RAPGEF2: variants seen among roughly 807,000 people sequenced by gnomAD.
The protein encoded by RAPGEF2 is Rap guanine nucleotide exchange factor 2.
RAPGEF2 carries 54 observed loss-of-function variants against 186.7 expected under a neutral mutation model. The observed-to-expected ratio is 0.29, with a 90% CI of 0.23 to 0.36. RAPGEF2 has a LOEUF of 0.36. RAPGEF2 is among the 10% of genes least tolerant of loss of function. The pLI is 1.00. For missense variants in RAPGEF2, 1,532 were observed against 2,045.0 expected (o/e 0.75, Z 4.84); for synonymous variants, 712 against 705.9 (o/e 1.01, Z -0.14).
Position 159,322,402 on chromosome 4 carries a change from A to G in RAPGEF2, c.909A>G (p.Ser303=), listed in dbSNP as rs1765344789. ...QLPAFANMTM[S]VRRELCAVMV... ...CTGCTTTTGCCAATATGACAATGTC[A>G]GTGAGGCGAGAACTCTGTGCTGTGA... is the stretch of plus-strand genomic sequence containing the variant. Residue 303 remains serine (S), a synonymous_variant, in exon 10 of 30, where the codon TCA becomes TCG. Transcript: ENST00000691494. 4 of 1,613,910 alleles carry G rather than the reference A, an allele frequency of 2.5e-6. No individual in the cohort carries two copies. The highest frequency in any genetic ancestry group is 1.7e-5 in the Admixed American group (1 of 60,000).
chr4:159,129,893 C>T (rs1185307380), intron 1 of RAPGEF2, among the ~76,000 whole-genome samples: 2 of 152,196 alleles, frequency 1.3e-5, no homozygotes, highest in African/African-American at 2.4e-5. Flanking sequence ...AGAACGGCTA[C>T]TCCATAGAGC....
chr4:159,281,001 T>TTC (rs1759622261), intron 7 of RAPGEF2, among the ~76,000 whole-genome samples: 1 of 151,836 alleles, frequency 6.6e-6, no homozygotes, highest in Non-Finnish European at 1.5e-5. Context: ...TTTTTTTTTT[T>TTC]CCTGAGACGG....
chr4:159,251,261 C>G (rs142579842), intron 7 of RAPGEF2, among the ~76,000 whole-genome samples: 1 of 152,258 alleles, frequency 6.6e-6, no homozygotes, highest in South Asian at 2.1e-4. Context: ...CGACGGGCGC[C>G]GTCCCTTGCT....
At chr4:159,334,587 G>T (rs1178989123) in intron 17 of RAPGEF2, among the ~76,000 whole-genome samples, 1 of 152,104 alleles carries the variant, frequency 6.6e-6, no homozygotes, top group Non-Finnish European at 1.5e-5. Flanking sequence ...AACAAAAAAA[G>T]ATCTTAGAGT....
chr4:159,267,204 T>G, intron 7 of RAPGEF2: 1 of 1,288,702 alleles, frequency 7.8e-7, no homozygotes, highest in Non-Finnish European at 1.0e-6. Flanking sequence ...CAATGCCGTT[T>G]GTTTCCTAAG....
intron 1 of RAPGEF2, among the ~76,000 whole-genome samples, chr4:159,158,682 G>A (rs1450698390): frequency 6.6e-6 from 1 of 152,174 alleles, no homozygotes; most frequent in Non-Finnish European, 1.5e-5. Flanking sequence ...CTATTCAGGA[G>A]AGCATCCAGA....
At position 159,331,795 on chromosome 4, in the gene RAPGEF2, A is replaced by T. The variant is rs1766712262; in HGVS notation, c.1741A>T (p.Ser581Cys). ...GIFVDSVDSG[S>C]KATEAGLKRG... ...CTTTGTTGACAGTGTAGATTCAGGTAGCAAAGCAACTGAAGCAGGCTTGAA... is the reference window on the plus strand; with the variant it reads ...CTTTGTTGACAGTGTAGATTCAGGTTGCAAAGCAACTGAAGCAGGCTTGAA... Residue 581 changes from serine to cysteine, a missense_variant, in exon 15 of 30, where the codon AGC (serine) becomes TGC (cysteine). Coordinates refer to ENST00000691494, the MANE Select transcript of RAPGEF2 (RefSeq NM_001394067.2). The T allele has an allele frequency of 1.2e-6, 2 of 1,613,298 alleles. No homozygotes were observed. Among genetic ancestry groups the T allele is most frequent in the East Asian group, 2.2e-5 (1 of 44,834 alleles).
rs1282995087 is a variant in RAPGEF2, at chr4:159,110,370, T to C, written c.69+6139T>C. Among the ~76,000 whole-genome samples the C allele has an allele frequency of 4.6e-5, 7 of 152,126 alleles. 1 individual carries two copies. The highest frequency in any genetic ancestry group is 4.6e-4 in the Admixed American group (7 of 15,262). On this transcript the variant is annotated intron_variant, in intron 1 of 29. Transcript: ENST00000691494. ...TAGGAGGCTGAGGCGGGTGGATCACTTGAGGTCAGGAGTTCAACACCAGCC... is the reference window on the plus strand; with the variant it reads ...TAGGAGGCTGAGGCGGGTGGATCACCTGAGGTCAGGAGTTCAACACCAGCC...
chr4:159,322,508 A>G, intron 10 of RAPGEF2, 25 bp downstream of exon 10: 8 of 1,604,012 alleles, frequency 5.0e-6, no homozygotes, highest in Non-Finnish European at 6.8e-6. Context: ...CTACCACTTA[A>G]AAAGTTTCTT....
Position 159,360,051 on chromosome 4 carries a change from C to T in RAPGEF2, c.*1912C>T, listed in dbSNP as rs1370325524. The T allele has an allele frequency of 6.6e-6, 1 of 152,118 alleles. No homozygotes were observed. Among genetic ancestry groups the T allele is most frequent in the Non-Finnish European group, 1.5e-5 (1 of 68,018 alleles). 9.4% of individuals were successfully genotyped at this position (152,118 alleles called of 1,614,324 possible). A position where few individuals can be genotyped will look rare whatever the true frequency, so the allele number is the denominator to read the frequency against. On this transcript the variant is annotated 3_prime_UTR_variant, in exon 30 of 30. Coordinates refer to ENST00000691494, the MANE Select transcript of RAPGEF2 (RefSeq NM_001394067.2). ...TTGTATTTTTAATACAATAATTGTA[C>T]ATATTGGTTATATTTTTGTTGAAGA...
intron 7 of RAPGEF2, among the ~76,000 whole-genome samples, chr4:159,287,454 A>T (rs1760647936): frequency 6.6e-6 from 1 of 151,984 alleles, no homozygotes; most frequent in Admixed American, 6.6e-5. Context: ...TTTGAAGATC[A>T]AACTGTCTTT....
chr4:159,296,454 C>A (rs985942852), intron 7 of RAPGEF2, among the ~76,000 whole-genome samples: 1 of 152,156 alleles, frequency 6.6e-6, no homozygotes, highest in African/African-American at 2.4e-5. Flanking sequence ...TGAGAATTTT[C>A]AGGTCAATTA....
At chr4:159,181,838 C>G (rs1175823583) in intron 1 of RAPGEF2, among the ~76,000 whole-genome samples, 2 of 151,986 alleles carry the variant, frequency 1.3e-5, no homozygotes, top group South Asian at 4.2e-4. Context: ...CATGCCTGGC[C>G]GGGAATACAG....
chr4:159,347,978 C>A (rs9631759), intron 25 of RAPGEF2, among the ~76,000 whole-genome samples: 37 of 152,114 alleles, frequency 2.4e-4, no homozygotes, highest in Middle Eastern at 6.8e-3. Context: ...CCCAGCACTT[C>A]AGGAGGCTGA....
intron 29 of RAPGEF2, among the ~76,000 whole-genome samples, chr4:159,357,884 C>T (rs1311457601): frequency 6.6e-6 from 1 of 151,800 alleles, no homozygotes; most frequent in East Asian, 1.9e-4. Context: ...ATATATAATG[C>T]ATATCTTTTT....
intron 5 of RAPGEF2, among the ~76,000 whole-genome samples, chr4:159,239,263 T>C (rs1394500325): frequency 3.3e-5 from 5 of 152,160 alleles, no homozygotes; most frequent in Admixed American, 6.6e-5. Flanking sequence ...TCACTAGGTT[T>C]GCTGGTGTGA....
Position 159,353,531 on chromosome 4 carries a change from C to T in RAPGEF2, c.4136C>T (p.Ala1379Val). Residue 1379 changes from alanine to valine, a missense_variant, in exon 28 of 30, where the codon GCT becomes GTT. Ala to Val is a moderately conservative substitution (Grantham distance 64). Coordinates refer to ENST00000691494, the MANE Select transcript of RAPGEF2 (RefSeq NM_001394067.2). This position sits in a 1 kb window ranked among gnomAD's most constrained non-coding sequence, Gnocchi z 4.3. ...MSEGRGLYATATVISSPSTEE... is the reference protein window; with the variant it reads ...MSEGRGLYATVTVISSPSTEE... ...GAGGGCCGAGGCTTATATGCTACAG[C>T]TACAGTAATTTCTTCTCCAAGCACA... 6.5e-7 allele frequency: 1 copy of T among 1,534,822 alleles called. No homozygotes were observed. Among genetic ancestry groups the T allele is most frequent in the Non-Finnish European group, 8.7e-7 (1 of 1,144,256 alleles).
rs778562452 is a variant in RAPGEF2, at chr4:159,332,541, G to A, written c.1979G>A (p.Arg660His). ...PKIGDIKKAS[R>H]YSIPDLAVDV... ...ATTGGTGACATTAAAAAGGCCAGTC[G>A]CTACTCCATTCCAGATCTTGCTGTA... The change falls in exon 17 of 30, where the codon CGC becomes CAC. Residue 660 changes from arginine to histidine, a missense_variant. Arg to His is a conservative substitution (Grantham distance 29). This residue lies in a region of RAPGEF2 where 810 missense variants were observed against 1,210.5 expected (regional missense o/e 0.67). Transcript: ENST00000691494. The A allele has an allele frequency of 5.6e-6, 9 of 1,614,052 alleles. No individual in the cohort carries two copies. The highest frequency in any genetic ancestry group is 1.7e-4 in the Middle Eastern group (1 of 6,060).
At chr4:159,335,896 C>T (rs913365628) in intron 17 of RAPGEF2, among the ~76,000 whole-genome samples, 1 of 151,120 alleles carries the variant, frequency 6.6e-6, no homozygotes, top group Non-Finnish European at 1.5e-5. Flanking sequence ...TATTTGTAGC[C>T]TTTTGTGCCG....
Sources: allele counts gnomAD v4.1 joint callset (sites outside exome capture counted in the v4.1 genomes callset), GRCh38; gene constraint gnomAD v4.1.1; regional missense constraint gnomAD v4.1.1; non-coding constraint Gnocchi (gnomAD v3.1); transcripts MANE v1.5; gene names NCBI Gene and HGNC (gene_info 2026-07-23, HGNC 2026-07-21).